The following TMEM178B variants were observed in gnomAD, a reference collection of about 807,000 sequenced individuals.
TMEM178B encodes transmembrane protein 178B.
A neutral mutation model predicts 31.0 loss-of-function variants in TMEM178B; 5 were observed. That is an observed-to-expected ratio of 0.16 (90% CI 0.08 to 0.34). The LOEUF (loss-of-function observed/expected upper bound fraction) is 0.34, where lower values mean the gene tolerates loss of function less well. TMEM178B is among the 10% of genes least tolerant of loss of function. TMEM178B has a pLI of 1.00. For missense variants in TMEM178B, 275 were observed against 400.3 expected, an observed-to-expected ratio of 0.69 and a Z score of 2.67; for synonymous variants, 164 against 164.0, an observed-to-expected ratio of 1.00 and a Z score of 0.00.
intron 1 of TMEM178B, among the ~76,000 whole-genome samples, chr7:141,104,628 C>T (rs902293363): frequency 6.6e-6 from 1 of 152,154 alleles, no homozygotes; most frequent in Non-Finnish European, 1.5e-5. Flanking sequence ...GTACCACAGA[C>T]TGGGTGGCTT....
At chr7:141,120,527 C>T (rs984949100) in intron 1 of TMEM178B, among the ~76,000 whole-genome samples, 1 of 152,098 alleles carries the variant, frequency 6.6e-6, no homozygotes, top group South Asian at 2.1e-4. Flanking sequence ...TTTAATCAAA[C>T]TGCTAATAAA....
chr7:141,186,978 A>C (rs186790172), intron 1 of TMEM178B, among the ~76,000 whole-genome samples: 75 of 152,172 alleles, frequency 4.9e-4, no homozygotes, highest in Admixed American at 4.9e-3. Context: ...TCTAGGGTAC[A>C]TGTGCACAAC....
chr7:141,406,510 G>A (rs931269380), intron 2 of TMEM178B, among the ~76,000 whole-genome samples: 3 of 152,216 alleles, frequency 2.0e-5, no homozygotes, highest in Admixed American at 1.3e-4. Context: ...TTGGAGAGCT[G>A]TGTCTATGTT....
chr7:141,361,276 G>C (rs1326822056), intron 2 of TMEM178B, among the ~76,000 whole-genome samples: 1 of 152,002 alleles, frequency 6.6e-6, no homozygotes, highest in Non-Finnish European at 1.5e-5. Context: ...CATCCCTCTA[G>C]GCTTTAGGGT....
intron 1 of TMEM178B, among the ~76,000 whole-genome samples, chr7:141,179,793 A>T (rs1796489910): frequency 6.6e-6 from 1 of 152,050 alleles, no homozygotes; most frequent in South Asian, 2.1e-4. Context: ...GGCCAGGCTG[A>T]CCCTTGGCCA....
At chr7:141,275,219 A>T (rs1419297563) in intron 2 of TMEM178B, among the ~76,000 whole-genome samples, 1 of 152,140 alleles carries the variant, frequency 6.6e-6, no homozygotes, top group Non-Finnish European at 1.5e-5. Context: ...CAACAACAAC[A>T]ACAAAAGTTC....
chr7:141,213,248 A>G (rs757929394), intron 2 of TMEM178B, among the ~76,000 whole-genome samples: 34 of 152,206 alleles, frequency 2.2e-4, no homozygotes, highest in African/African-American at 7.2e-4. Flanking sequence ...TTCATGTGCA[A>G]TTCCTCAGCA....
chr7:141,120,971 A>G (rs1457102181), intron 1 of TMEM178B, among the ~76,000 whole-genome samples: 3 of 151,214 alleles, frequency 2.0e-5, no homozygotes, highest in Non-Finnish European at 2.9e-5. Context: ...TCTCTAAATA[A>G]TAATAATAAT....
At chr7:141,265,703 A>G (rs908799531) in intron 2 of TMEM178B, among the ~76,000 whole-genome samples, 3 of 152,220 alleles carry the variant, frequency 2.0e-5, no homozygotes, top group African/African-American at 7.2e-5. Context: ...ACAAAGAAGC[A>G]GAATCAGCTT....
the TMEM178B span, among the ~76,000 whole-genome samples, chr7:141,509,308 A>G: frequency 6.6e-6 from 1 of 152,118 alleles, no homozygotes; most frequent in Non-Finnish European, 1.5e-5. Flanking sequence ...AGTAGGGAGG[A>G]TAGAAAATTT....
chr7:141,338,907 A>G (rs1799469886), intron 2 of TMEM178B, among the ~76,000 whole-genome samples: 1 of 152,340 alleles, frequency 6.6e-6, no homozygotes, highest in African/African-American at 2.4e-5. Flanking sequence ...GCCCATCACA[A>G]ATAACTGTGC....
intron 1 of TMEM178B, among the ~76,000 whole-genome samples, chr7:141,117,090 A>G (rs916358807): frequency 3.9e-5 from 6 of 152,178 alleles, no homozygotes; most frequent in African/African-American, 1.4e-4. Context: ...GAATCACCAC[A>G]CTGTCTTCCA....
chr7:141,506,784 G>C, the TMEM178B span, among the ~76,000 whole-genome samples: 1 of 152,146 alleles, frequency 6.6e-6, no homozygotes, highest in African/African-American at 2.4e-5. Flanking sequence ...TCTCATCTGA[G>C]ACAAGGCAAG....
chr7:141,360,726 C>T (rs1799904240), intron 2 of TMEM178B, among the ~76,000 whole-genome samples: 1 of 152,182 alleles, frequency 6.6e-6, no homozygotes, highest in South Asian at 2.1e-4. Context: ...TGCAGCCAAA[C>T]ACATTCTTAA....
At chr7:141,123,727 C>T (rs1264221107) in intron 1 of TMEM178B, among the ~76,000 whole-genome samples, 2 of 152,144 alleles carry the variant, frequency 1.3e-5, no homozygotes, top group Non-Finnish European at 2.9e-5. Flanking sequence ...GCTTACTTCT[C>T]CTTTCTTAGA....
chr7:141,114,327 T>G (rs757160677), intron 1 of TMEM178B, among the ~76,000 whole-genome samples: 1 of 150,994 alleles, frequency 6.6e-6, no homozygotes, highest in Non-Finnish European at 1.5e-5. Flanking sequence ...TATCTCTCCC[T>G]TCAGCTGCAC....
intron 1 of TMEM178B, among the ~76,000 whole-genome samples, chr7:141,180,209 G>A (rs544297795): frequency 1.3e-5 from 2 of 152,106 alleles, no homozygotes; most frequent in South Asian, 4.1e-4. Flanking sequence ...GGCCAGGCGT[G>A]GTGGCTCATG....
chr7:141,279,949 T>A lies in TMEM178B; in HGVS notation c.496+67245T>A, dbSNP rs145378424. ...TGTGTAATACACAATACTCTTTCAGTTGCAAGTGACAGAAACCCAGCTTGG... is the reference window on the plus strand; with the variant it reads ...TGTGTAATACACAATACTCTTTCAGATGCAAGTGACAGAAACCCAGCTTGG... On this transcript the variant is annotated intron_variant, in intron 2 of 3. Transcript: ENST00000565468. Among the ~76,000 whole-genome samples, 297 of 152,340 alleles carry A rather than the reference T, an allele frequency of 1.9e-3. 3 individuals are homozygous for A. The highest frequency in any genetic ancestry group is 6.8e-3 in the African/African-American group (283 of 41,580).
chr7:141,399,342 G>GT (rs1800712697), intron 2 of TMEM178B, among the ~76,000 whole-genome samples: 1 of 152,222 alleles, frequency 6.6e-6, no homozygotes, highest in Admixed American at 6.5e-5. Flanking sequence ...TATTGCTAGC[G>GT]TAAGCACTGT....
Sources: allele counts gnomAD v4.1 joint callset (sites outside exome capture counted in the v4.1 genomes callset), GRCh38; gene constraint gnomAD v4.1.1; transcripts MANE v1.5; gene names NCBI Gene and HGNC (gene_info 2026-07-23, HGNC 2026-07-21).